CMTM2: variants seen among roughly 807,000 people sequenced by gnomAD.
The protein encoded by CMTM2 is CKLF like MARVEL transmembrane domain containing 2, also known as CKLF-like MARVEL transmembrane domain-containing protein 2.
Under a neutral mutation model 16.8 loss-of-function variants are expected in CMTM2, and 15 were observed. That is an observed-to-expected ratio of 0.89 (90% CI 0.60 to 1.37). CMTM2 has a LOEUF of 1.37. CMTM2 is among the 40% of genes most tolerant of loss of function. The pLI is 0.00. For synonymous variants in CMTM2, 117 were observed against 118.7 expected, an observed-to-expected ratio of 0.99 and a Z score of 0.09; for missense variants, 282 against 318.0, an observed-to-expected ratio of 0.89 and a Z score of 0.86.
chr16:66,584,936 C>G (rs868208947), intron 2 of CMTM2, among the ~76,000 whole-genome samples: 1 of 145,694 alleles, frequency 6.9e-6, no homozygotes, highest in Non-Finnish European at 1.5e-5. Context: ...CCTGCCTCTA[C>G]AAAAACAATT....
chr16:66,588,113 G>T lies in CMTM2; in HGVS notation c.741G>T (p.Lys247Asn), dbSNP rs375700031. ...PGKPPGPAKG[K>N]K ...AGCCACCAGGGCCAGCAAAGGGAAA[G>T]AAATGACTTGGAGGAGGCTCCTGGT... is the stretch of plus-strand genomic sequence containing the variant. The change falls in exon 4 of 4, where the codon AAG becomes AAT. Residue 247 changes from lysine (K) to asparagine (N), a missense_variant. Physicochemically the swap from Lys to Asn is moderately conservative, Grantham distance 94 (BLOSUM62 0). Coordinates refer to ENST00000268595, the MANE Select transcript of CMTM2 (RefSeq NM_144673.3). The T allele has an allele frequency of 6.7e-5, 108 of 1,612,480 alleles. No individual in the cohort carries two copies. The highest frequency in any genetic ancestry group is 2.6e-4 in the South Asian group (24 of 91,010).
At chr16:66,587,576 T>G (rs947324542) in intron 3 of CMTM2, among the ~76,000 whole-genome samples, 5 of 146,558 alleles carry the variant, frequency 3.4e-5, no homozygotes, top group Admixed American at 6.8e-5. Context: ...AAAAAAAAAG[T>G]AAAGTAGACA....
chr16:66,580,202 G>C lies in CMTM2; in HGVS notation c.444+18G>C, dbSNP rs1301400874. 1.2e-6 allele frequency: 2 copies of C among 1,613,532 alleles called. No homozygotes were observed. The highest frequency in any genetic ancestry group is 3.3e-5 in the Admixed American group (2 of 59,986). On this transcript the variant is annotated intron_variant, in intron 2 of 3. Coordinates refer to ENST00000268595, the MANE Select transcript of CMTM2 (RefSeq NM_144673.3). ...CCATTTCTGTAAGTAAGGGGTGATG[G>C]GGAGTGCCTGCATCCAGAATGCTGA...
Position 66,587,905 on chromosome 16 carries a change from G to C in CMTM2, c.547-14G>C. On this transcript the variant is annotated splice_polypyrimidine_tract_variant and intron_variant, in intron 3 of 3. Transcript: ENST00000268595. Reference sequence around the variant, plus strand: ...ATGAAAAGCAAAAGTCATGAGGACCGTTTTGTTTTCCAGATCCTTATTGGT... The same window carrying C: ...ATGAAAAGCAAAAGTCATGAGGACCCTTTTGTTTTCCAGATCCTTATTGGT... 1 of 1,613,512 alleles carries C rather than the reference G, an allele frequency of 6.2e-7. No homozygotes were observed. The highest frequency in any genetic ancestry group is 8.5e-7 in the Non-Finnish European group (1 of 1,179,828).
intron 2 of CMTM2, 76 bp downstream of exon 2, chr16:66,580,260 A>G: frequency 6.7e-7 from 1 of 1,487,968 alleles, no homozygotes; most frequent in Non-Finnish European, 9.3e-7. Flanking sequence ...AAAGTCACCA[A>G]ACAGAGAGAC....
Position 66,582,206 on chromosome 16 carries a change from A to G in CMTM2, c.444+2022A>G, listed in dbSNP as rs75029180. Among the ~76,000 whole-genome samples, 1,189 of 152,368 alleles carry G rather than the reference A, an allele frequency of 7.8e-3. 20 individuals carry two copies. The highest frequency in any genetic ancestry group is 0.027 in the African/African-American group (1,139 of 41,582). On this transcript the variant is annotated intron_variant, in intron 2 of 3. Transcript: ENST00000268595. ...AAGACACTATGAGGACAAAATAGAC[A>G]GATTTTTAAAAAGTACAGTGTCTAG...
chr16:66,583,383 T>C (rs2014756680), intron 2 of CMTM2, among the ~76,000 whole-genome samples: 1 of 151,310 alleles, frequency 6.6e-6, no homozygotes, highest in South Asian at 2.1e-4. Flanking sequence ...TCCCAGCTAC[T>C]CGAGAGGCTG....
At position 66,588,053 on chromosome 16, in the gene CMTM2, G is replaced by A; in HGVS notation, c.681G>A (p.Lys227=). 2 of 1,613,768 alleles carry A rather than the reference G, an allele frequency of 1.2e-6. No homozygotes were observed. The highest frequency in any genetic ancestry group is 1.1e-5 in the South Asian group (1 of 91,060). The change falls in exon 4 of 4, where the codon AAG becomes AAA. Residue 227 remains lysine, a synonymous_variant. Coordinates refer to ENST00000268595, the MANE Select transcript of CMTM2 (RefSeq NM_144673.3). Reference sequence around the variant, plus strand: ...AGGAAAAAGGACCCCAGCAGGGCAAGGGACCAGAACCCGCCAAGCCACCAG... The same window carrying A: ...AGGAAAAAGGACCCCAGCAGGGCAAAGGACCAGAACCCGCCAAGCCACCAG... ...PGKEKGPQQG[K]GPEPAKPPEP...
intron 2 of CMTM2, among the ~76,000 whole-genome samples, chr16:66,585,545 A>G (rs574434945): frequency 6.6e-6 from 1 of 152,356 alleles, no homozygotes; most frequent in South Asian, 2.1e-4. Context: ...GTTTATAAAT[A>G]TATAATATGT....
chr16:66,580,409 G>A (rs920977027), intron 2 of CMTM2: 8 of 553,984 alleles, frequency 1.4e-5, no homozygotes, highest in African/African-American at 1.1e-4. Context: ...AGTGAGAGTG[G>A]GGAACTCTTA....
Position 66,588,149 on chromosome 16 carries a change from G to A in CMTM2, c.*30G>A, listed in dbSNP as rs2014817679. On this transcript the variant is annotated 3_prime_UTR_variant, in exon 4 of 4. Transcript: ENST00000268595. Reference sequence around the variant, plus strand: ...GAGGAGGCTCCTGGTGTCTGAAACGGCAGTGTATTTTACAGCAATATGTTT... The same window carrying A: ...GAGGAGGCTCCTGGTGTCTGAAACGACAGTGTATTTTACAGCAATATGTTT... 1 of 1,598,790 alleles carries A rather than the reference G, an allele frequency of 6.3e-7. No homozygotes were observed. The highest frequency in any genetic ancestry group is 1.3e-5 in the African/African-American group (1 of 74,478).
intron 3 of CMTM2, 146 bp from the exon 4 acceptor site, chr16:66,587,773 G>A (rs976954226): frequency 4.1e-5 from 32 of 771,904 alleles, no homozygotes; most frequent in Admixed American, 1.2e-4. Flanking sequence ...GAGTAGGCAC[G>A]CTCCTAGCCT....
At position 66,579,679 on chromosome 16, in the gene CMTM2, C is replaced by T. The variant is rs546482194; in HGVS notation, c.72C>T (p.Pro24=). The change falls in exon 1 of 4, where the codon CCC becomes CCT. Residue 24 remains proline (P), a synonymous_variant. Coordinates refer to ENST00000268595, the MANE Select transcript of CMTM2 (RefSeq NM_144673.3). The surrounding 1 kb of genome is among the most constrained non-coding windows in gnomAD (Gnocchi z 6.5). ...APAPPPPGAK[P]EEDKKDGKEP... is the part of the protein sequence containing the mutation. ...CTCCACCTCCACCCGGGGCCAAACCCGAGGAAGACAAGAAGGACGGTAAGG... is the reference window on the plus strand; with the variant it reads ...CTCCACCTCCACCCGGGGCCAAACCTGAGGAAGACAAGAAGGACGGTAAGG... 2 of 1,613,748 alleles carry T rather than the reference C, an allele frequency of 1.2e-6. No homozygotes were observed. Among genetic ancestry groups the T allele is most frequent in the African/African-American group, 1.3e-5 (1 of 74,786 alleles).
At chr16:66,581,981 G>A (rs1427583178) in intron 2 of CMTM2, among the ~76,000 whole-genome samples, 1 of 151,870 alleles carries the variant, frequency 6.6e-6, no homozygotes, top group East Asian at 1.9e-4. Flanking sequence ...CTCACAGTGG[G>A]GGTGGGGGGA....
Position 66,579,732 on chromosome 16 carries a change from T to C in CMTM2, c.125T>C (p.Val42Ala). 6.2e-7 allele frequency: 1 copy of C among 1,613,254 alleles called. No individual in the cohort carries two copies. Among genetic ancestry groups the C allele is most frequent in the South Asian group, 1.1e-5 (1 of 91,012 alleles). ...CCATCGGACAAACCTCAAAAGGCGGTGCAGGACCATAAGGAGCCATCGGAC... is the reference window on the plus strand; with the variant it reads ...CCATCGGACAAACCTCAAAAGGCGGCGCAGGACCATAAGGAGCCATCGGAC... ...KEPSDKPQKA[V>A]QDHKEPSDKP... The change falls in exon 1 of 4, where the codon GTG (valine) becomes GCG (alanine). Residue 42 changes from valine to alanine, a missense_variant. Transcript: ENST00000268595. The surrounding 1 kb of genome is among the most constrained non-coding windows in gnomAD (Gnocchi z 6.5).
rs146463464 is a variant in CMTM2 at position 66,587,903 on chromosome 16, C to T, written c.547-16C>T. The T allele has an allele frequency of 1.2e-6, 2 of 1,613,198 alleles. No homozygotes were observed. The highest frequency in any genetic ancestry group is 2.7e-5 in the African/African-American group (2 of 74,786). On this transcript the variant is annotated splice_polypyrimidine_tract_variant and intron_variant, in intron 3 of 3. Coordinates refer to ENST00000268595, the MANE Select transcript of CMTM2 (RefSeq NM_144673.3). ...GAATGAAAAGCAAAAGTCATGAGGA[C>T]CGTTTTGTTTTCCAGATCCTTATTG...
chr16:66,587,292 G>A (rs980801033), intron 3 of CMTM2, among the ~76,000 whole-genome samples, 194 bp downstream of exon 3: 5 of 152,074 alleles, frequency 3.3e-5, no homozygotes, highest in Admixed American at 2.0e-4. Context: ...AGGCCGAGGC[G>A]GGCGGATCAC....
chr16:66,585,684 G>C (rs1169017256), intron 2 of CMTM2, among the ~76,000 whole-genome samples: 1 of 152,158 alleles, frequency 6.6e-6, no homozygotes, highest in African/African-American at 2.4e-5. Flanking sequence ...TGGACTTCTT[G>C]TTTTCAAAGA....
chr16:66,587,861 G>A, intron 3 of CMTM2, 58 bp from the exon 4 acceptor site: 1 of 1,567,152 alleles, frequency 6.4e-7, no homozygotes, highest in African/African-American at 1.4e-5. Context: ...AACCAGGAGG[G>A]AAACTCACCA....
Sources: allele counts gnomAD v4.1 joint callset (sites outside exome capture counted in the v4.1 genomes callset), GRCh38; gene constraint gnomAD v4.1.1; non-coding constraint Gnocchi (gnomAD v3.1); transcripts MANE v1.5; gene names NCBI Gene and HGNC (gene_info 2026-07-23, HGNC 2026-07-21).